APOB: variants seen among roughly 807,000 people sequenced by gnomAD.
APOB encodes the protein apolipoprotein B-100.
A neutral mutation model predicts 314.1 loss-of-function variants in APOB; 153 were observed. The observed-to-expected ratio is 0.49, with a 90% CI of 0.43 to 0.56. The LOEUF is 0.56. Ranked by LOEUF, APOB falls within the 20% of genes least tolerant of loss-of-function variation. The pLI is 0.00. For missense variants in APOB, 5,430 were observed against 5,350.7 expected (o/e 1.01, Z -0.46); for synonymous variants, 2,087 against 2,036.4 (o/e 1.02, Z -0.67).
Position 21,002,609 on chromosome 2 carries a change from T to C in APOB, c.12813A>G (p.Glu4271=), listed in dbSNP as rs1294542177. The C allele has an allele frequency of 6.2e-7, 1 of 1,613,964 alleles. No homozygotes were observed. The highest frequency in any genetic ancestry group is 1.3e-5 in the African/African-American group (1 of 74,908). Residue 4271 remains glutamate, a synonymous_variant, in exon 29 of 29, where the codon GAA becomes GAG. Transcript: ENST00000233242. The stretch of plus-strand genomic sequence containing the variant: ...CTTCTTTTGATAAATCTTTCAACAG[T>C]TCCCTATACATCGAGATTACATCTA... ...KLIDVISMYR[E]LLKDLSKEAQ...
In APOB at chr2:21,003,416, T is replaced by A. The variant is rs1663050193; in HGVS notation, c.12088-82A>T. 19 of 1,233,386 alleles carry A rather than the reference T, an allele frequency of 1.5e-5. No individual in the cohort carries two copies. The South Asian group carries it at 2.0e-4, about 13-fold the overall frequency. 76.4% of individuals were successfully genotyped at this position (1,233,386 alleles called of 1,614,324 possible). A position where few individuals can be genotyped will look rare whatever the true frequency, so the allele number is the denominator to read the frequency against. ...TAGTACACTAAAACTTCATTAGCAG[T>A]TAAAAATAAAGATCAGAGAATCTTT... On this transcript the variant is annotated intron_variant, in intron 28 of 28. Transcript: ENST00000233242.
Position 21,004,164 on chromosome 2 carries a change from T to G in APOB, c.12087+105A>C, listed in dbSNP as rs190231515. On this transcript the variant is annotated intron_variant, in intron 28 of 28. Transcript: ENST00000233242. ...GAAGAAGTTGCTTACCGCCTGTCTT[T>G]CACCTAGTTTGGGGAATCTCTGAAT... The G allele has an allele frequency of 2.9e-5, 36 of 1,246,166 alleles. No individual in the cohort carries two copies. In the East Asian group the frequency reaches 7.6e-4, roughly 26 times the overall value. 77.2% of individuals were successfully genotyped at this position (1,246,166 alleles called of 1,614,324 possible).
chr2:21,028,567 C>G (rs754577608), intron 12 of APOB, 29 bp from the exon 13 acceptor site: 11 of 1,514,672 alleles, frequency 7.3e-6, no homozygotes, highest in Non-Finnish European at 1.0e-5. Flanking sequence ...ATGGTTATCA[C>G]TGTCCTGTGG....
chr2:21,004,544 C>A lies in APOB; in HGVS notation c.11903+17G>T, dbSNP rs765406924. ...TTTCAAAAGGTATAAGGTTTCAATT[C>A]AATAAAAGCTCCATACTGAAGTCCT... On this transcript the variant is annotated intron_variant, in intron 27 of 28. Transcript: ENST00000233242. 10 of 1,612,670 alleles carry A rather than the reference C, an allele frequency of 6.2e-6. No homozygotes were observed. The highest frequency in any genetic ancestry group is 8.5e-6 in the Non-Finnish European group (10 of 1,178,762).
In APOB at chr2:21,008,221, G is replaced by C. The variant is rs1663204654; in HGVS notation, c.8647C>G (p.Leu2883Val). 6.2e-7 allele frequency: 1 copy of C among 1,613,946 alleles called. No individual in the cohort carries two copies. Among genetic ancestry groups the C allele is most frequent in the Non-Finnish European group, 8.5e-7 (1 of 1,179,982 alleles). ...TGGAAGTATTTAGTGTTGCTATCCA[G>C]GGTAAGCTGATTGTTTATCTTGACA... ...VIVKINNQLT[L>V]DSNTKYFHKL... The change falls in exon 26 of 29, where the codon CTG becomes GTG. Residue 2883 changes from leucine to valine, a missense_variant. Leu to Val is a conservative substitution (Grantham distance 32). Coordinates refer to ENST00000233242, the MANE Select transcript of APOB (RefSeq NM_000384.3).
chr2:21,014,088 A>T (rs1211327653), intron 24 of APOB, among the ~76,000 whole-genome samples: 1 of 152,216 alleles, frequency 6.6e-6, no homozygotes, highest in African/African-American at 2.4e-5. Context: ...TTTAGTGCTC[A>T]ATGGCTGTTC....
intron 8 of APOB, among the ~76,000 whole-genome samples, chr2:21,033,720 G>T (rs1053627188): frequency 7.2e-5 from 11 of 152,146 alleles, no homozygotes; most frequent in Non-Finnish European, 1.3e-4. Flanking sequence ...CTGTGGGGTG[G>T]CATTATTGTT....
At position 21,027,867 on chromosome 2, in the gene APOB, G is replaced by A; in HGVS notation, c.2028C>T (p.Thr676=). The A allele has an allele frequency of 6.2e-7, 1 of 1,614,022 alleles. No individual in the cohort carries two copies. Among genetic ancestry groups the A allele is most frequent in the South Asian group, 1.1e-5 (1 of 91,062 alleles). Residue 676 remains threonine, a synonymous_variant, in exon 14 of 29, where the codon ACC becomes ACT. Transcript: ENST00000233242. ...YLPKESMLKT[T]LTAFGFASAD... ...CTGAAGCAAATCCAAAGGCAGTGAG[G>A]GTAGTTTTCAGCATGCTTTCTTTAG...
intron 25 of APOB, 31 bp from the exon 26 acceptor site, chr2:21,012,682 A>C (rs774460601): frequency 1.7e-5 from 27 of 1,601,578 alleles, no homozygotes; most frequent in African/African-American, 2.7e-5. Flanking sequence ...CATTGGTTAA[A>C]TTAAGCAGTA....
Position 21,010,638 on chromosome 2 carries a change from A to G in APOB, c.6230T>C (p.Leu2077Ser). ...TCGATTCCTCTCAAAATATTCTTGC[A>G]AGGTCTCAAAAAATGGGAGGTTAAT... ...HSINLPFFET[L>S]QEYFERNRQT... The change falls in exon 26 of 29, where the codon TTG (leucine) becomes TCG (serine). Residue 2077 changes from leucine (L) to serine (S), a missense_variant. By Grantham distance (145) the Leu-to-Ser change is moderately radical (BLOSUM62 -2). Coordinates refer to ENST00000233242, the MANE Select transcript of APOB (RefSeq NM_000384.3). The G allele has an allele frequency of 3.1e-6, 5 of 1,614,106 alleles. No homozygotes were observed. Among genetic ancestry groups the G allele is most frequent in the Non-Finnish European group, 4.2e-6 (5 of 1,179,998 alleles).
At chr2:21,034,969 T>A (rs190857014) in intron 7 of APOB, 68 bp from the exon 8 acceptor site, 323 of 854,290 alleles carry the variant, frequency 3.8e-4, no homozygotes, top group Non-Finnish European at 4.4e-4. Flanking sequence ...TGTTGAAGGT[T>A]TTCCCTGTCT....
Position 21,005,599 on chromosome 2 carries a change from G to A in APOB, c.11269C>T (p.Gln3757Ter). 1.2e-6 allele frequency: 2 copies of A among 1,614,058 alleles called. No individual in the cohort carries two copies. Among genetic ancestry groups the A allele is most frequent in the Non-Finnish European group, 1.7e-6 (2 of 1,179,970 alleles). The change falls in exon 26 of 29, where the codon CAG (glutamine) becomes TAG (stop). Residue 3757 changes from glutamine to a stop codon, truncating the protein, a stop_gained. Transcript: ENST00000233242. LOFTEE classifies it high-confidence loss of function. ...AAGTCAAGTTTGCACGATGGAACCT[G>A]AAGATCTGTAAATGGGACATGGAAC... ...PTFHVPFTDL[Q>*]VPSCKLDFRE...
rs199859104 is a variant in APOB, at chr2:21,015,453, G to A, written c.3425C>T (p.Ser1142Leu). The change falls in exon 22 of 29, where the codon TCG becomes TTG. Residue 1142 changes from serine (S) to leucine (L), a missense_variant. Coordinates refer to ENST00000233242, the MANE Select transcript of APOB (RefSeq NM_000384.3). ...CATTTGGAGAAGCAGTTTGGCAGGCGACCAGTGGGCGAGGATCTCACTTCT... is the reference window on the plus strand; with the variant it reads ...CATTTGGAGAAGCAGTTTGGCAGGCAACCAGTGGGCGAGGATCTCACTTCT... ...EARSEILAHW[S>L]PAKLLLQMDS... The A allele has an allele frequency of 9.9e-6, 16 of 1,614,062 alleles. No homozygotes were observed. The East Asian group carries it at 1.3e-4, about 13-fold the overall frequency.
Position 21,005,369 on chromosome 2 carries a change from A to G in APOB, c.11499T>C (p.Asp3833=), listed in dbSNP as rs1663098467. The change falls in exon 26 of 29, where the codon GAT becomes GAC. Residue 3833 remains aspartate, a synonymous_variant. Coordinates refer to ENST00000233242, the MANE Select transcript of APOB (RefSeq NM_000384.3). The part of the protein sequence containing the change: ...SQFTLPKSVS[D]GIAALDLNAV... ...CATTTAGATCCAAAGCAGCAATGCC[A>G]TCTGAAACACTTTTTGGAAGCGTGA... 1.9e-6 allele frequency: 3 copies of G among 1,614,128 alleles called. No individual in the cohort carries two copies. In the African/African-American group the frequency reaches 4.0e-5, roughly 22 times the overall value.
rs1386970285 is a variant in APOB at position 21,008,215 on chromosome 2, T to C, written c.8653A>G (p.Ser2885Gly). 2.5e-6 allele frequency: 4 copies of C among 1,614,126 alleles called. No individual in the cohort carries two copies. The highest frequency in any genetic ancestry group is 3.4e-6 in the Non-Finnish European group (4 of 1,179,986). The change falls in exon 26 of 29, where the codon AGC becomes GGC. Residue 2885 changes from serine to glycine, a missense_variant. By Grantham distance (56) the Ser-to-Gly change is moderately conservative. Transcript: ENST00000233242. ...VKINNQLTLD[S>G]NTKYFHKLNI... is the part of the protein sequence containing the mutation. Reference sequence around the variant, plus strand: ...AATTTGTGGAAGTATTTAGTGTTGCTATCCAGGGTAAGCTGATTGTTTATC... The same window carrying C: ...AATTTGTGGAAGTATTTAGTGTTGCCATCCAGGGTAAGCTGATTGTTTATC...
chr2:21,029,536 C>A (rs1663825223), intron 12 of APOB, 103 bp downstream of exon 12: 4 of 1,291,504 alleles, frequency 3.1e-6, no homozygotes, highest in Non-Finnish European at 4.5e-6. Context: ...AAAGAAACAG[C>A]AGAATAAAGT....
At chr2:21,043,098 G>A (rs982209199) in intron 2 of APOB, among the ~76,000 whole-genome samples, 1 of 150,036 alleles carries the variant, frequency 6.7e-6, no homozygotes, top group South Asian at 2.2e-4. Flanking sequence ...CGCGCTTGGA[G>A]GCCAGTTCCT....
rs1457412609 is a variant in APOB, at chr2:21,006,434, G to T, written c.10434C>A (p.Asp3478Glu). The part of the protein sequence containing the change: ...MLYSTAKGAV[D>E]HKLSLESLTS... ...TGAGGCTTTCCAAGCTAAGCTTGTG[G>T]TCAACTGCTCCTTTAGCGGTAGAGT... is the stretch of plus-strand genomic sequence containing the variant. The change falls in exon 26 of 29, where the codon GAC becomes GAA. Residue 3478 changes from aspartate (D) to glutamate (E), a missense_variant. Physicochemically the swap from Asp to Glu is conservative, Grantham distance 45. Around this residue, in one of 3 missense-constraint regions of APOB, gnomAD observed 3,281 missense variants for 3,171.0 expected, o/e 1.03. Transcript: ENST00000233242. The T allele has an allele frequency of 6.2e-7, 1 of 1,614,070 alleles. No individual in the cohort carries two copies. The highest frequency in any genetic ancestry group is 1.7e-5 in the Admixed American group (1 of 59,998).
Position 21,028,446 on chromosome 2 carries a change from T to A in APOB, c.1710A>T (p.Ser570=), listed in dbSNP as rs777247556. The A allele has an allele frequency of 2.2e-5, 36 of 1,613,910 alleles. No individual in the cohort carries two copies. The highest frequency in any genetic ancestry group is 3.0e-5 in the Non-Finnish European group (35 of 1,179,920). Residue 570 remains serine, a synonymous_variant, in exon 13 of 29, where the codon TCA becomes TCT. Coordinates refer to ENST00000233242, the MANE Select transcript of APOB (RefSeq NM_000384.3). ...AAYLMLMRSP[S]QADINKIVQI... is the part of the protein sequence containing the mutation. The stretch of plus-strand genomic sequence containing the variant: ...GGACAATTTTGTTAATATCTGCCTG[T>A]GAAGGACTCCTCATCAACATAAGAT...
Sources: gnomAD v4.1 joint callset for allele counts (sites outside exome capture counted in the v4.1 genomes callset) on GRCh38, gnomAD v4.1.1 for gene constraint, gnomAD v4.1.1 regional missense constraint, MANE v1.5 for transcripts, NCBI Gene and HGNC (gene_info 2026-07-23, HGNC 2026-07-21) for gene names.